Variants in VWA8 observed in about 807,000 individuals in gnomAD.
The protein encoded by VWA8 is von Willebrand factor A domain containing 8, also known as von Willebrand factor A domain-containing protein 8.
A neutral mutation model predicts 241.5 loss-of-function variants in VWA8; 221 were observed. The observed-to-expected ratio is 0.91, with a 90% confidence interval of 0.82 to 1.02. The LOEUF (loss-of-function observed/expected upper bound fraction) is 1.02, where lower values mean the gene tolerates loss of function less well. VWA8 is among the 50% of genes least tolerant of loss of function. The pLI, the probability that VWA8 is intolerant of heterozygous loss-of-function variation, is 0.00. For synonymous variants in VWA8, 852 were observed against 827.1 expected (o/e 1.03, Z -0.52); for missense variants, 2,322 against 2,328.7 (o/e 1.00, Z 0.06).
Position 41,754,956 on chromosome 13 carries a change from G to A in VWA8, c.2426+6172C>T, listed in dbSNP as rs150229823. On this transcript the variant is annotated intron_variant, in intron 21 of 44. Transcript: ENST00000379310. ...GGATCTCATTCTTTTTTTTATGGCC[G>A]AATAGTACTCTATTGTGTATATATA... Among the ~76,000 whole-genome samples, 136 of 151,886 alleles carry A rather than the reference G, an allele frequency of 9.0e-4. 1 individual carries two copies. The highest frequency in any genetic ancestry group is 3.2e-3 in the African/African-American group (132 of 41,456).
chr13:41,902,434 C>T (rs1329284446), intron 4 of VWA8, among the ~76,000 whole-genome samples: 4 of 152,116 alleles, frequency 2.6e-5, no homozygotes, highest in Non-Finnish European at 5.9e-5. Flanking sequence ...TCAGTTCTTT[C>T]GTATGCTTTT....
At chr13:41,924,630 C>G (rs1876740389) in intron 2 of VWA8, among the ~76,000 whole-genome samples, 1 of 152,008 alleles carries the variant, frequency 6.6e-6, no homozygotes, top group Non-Finnish European at 1.5e-5. Flanking sequence ...TGCTGAGGTC[C>G]AGAATTCCTA....
chr13:41,598,788 G>A (rs2044504063), intron 40 of VWA8, among the ~76,000 whole-genome samples: 1 of 150,950 alleles, frequency 6.6e-6, no homozygotes, highest in African/African-American at 2.4e-5. Context: ...TTCTTTCTCT[G>A]ACAATAGCTT....
At chr13:41,927,065 A>C (rs1876880972) in intron 2 of VWA8, 1 of 379,628 alleles carries the variant, frequency 2.6e-6, no homozygotes, top group South Asian at 2.1e-5. Flanking sequence ...GAAAGAGATA[A>C]GCGATGCCTA....
At chr13:41,817,110 C>A (rs532889359) in intron 15 of VWA8, among the ~76,000 whole-genome samples, 1 of 152,142 alleles carries the variant, frequency 6.6e-6, no homozygotes, top group Non-Finnish European at 1.5e-5. Flanking sequence ...CATGTATCAT[C>A]ATTTCCTATT....
chr13:41,806,001 T>TAAAAAAAAAAAAAAAAAA (rs60826821), intron 17 of VWA8, among the ~76,000 whole-genome samples: 1 of 118,940 alleles, frequency 8.4e-6, no homozygotes, highest in Non-Finnish European at 1.8e-5. Flanking sequence ...AATTCAAAAA[T>TAAAAAAAAAAAAAAAAAA]AAAAAAAAAA....
chr13:41,920,963 C>A (rs1018481434), intron 2 of VWA8, among the ~76,000 whole-genome samples: 1 of 152,166 alleles, frequency 6.6e-6, no homozygotes, highest in Non-Finnish European at 1.5e-5. Flanking sequence ...GATACCAAAG[C>A]CTGGCAGAGA....
intron 4 of VWA8, among the ~76,000 whole-genome samples, chr13:41,891,788 G>A (rs1315071204): frequency 2.0e-5 from 3 of 152,072 alleles, no homozygotes; most frequent in Admixed American, 6.5e-5. Context: ...CTGTTTATTC[G>A]TTTGTAAAAT....
intron 3 of VWA8, 128 bp from the exon 4 acceptor site, chr13:41,907,824 C>T (rs918149935): frequency 5.5e-5 from 38 of 693,230 alleles, no homozygotes; most frequent in Non-Finnish European, 8.8e-5. Flanking sequence ...TGGGTTGAAA[C>T]TTGTTGAATC....
chr13:41,805,722 G>A (rs1025510782), intron 17 of VWA8, among the ~76,000 whole-genome samples: 3 of 152,086 alleles, frequency 2.0e-5, no homozygotes, highest in African/African-American at 7.2e-5. Context: ...GCTGAGGCAG[G>A]AGAATCGCTT....
chr13:41,898,565 T>A (rs1875254703), intron 4 of VWA8, among the ~76,000 whole-genome samples: 1 of 152,240 alleles, frequency 6.6e-6, no homozygotes, highest in South Asian at 2.1e-4. Flanking sequence ...CTGCCAGTCC[T>A]GCGCCATGCG....
chr13:41,942,844 G>C (rs1877664711), intron 2 of VWA8, among the ~76,000 whole-genome samples: 1 of 152,230 alleles, frequency 6.6e-6, no homozygotes, highest in Non-Finnish European at 1.5e-5. Context: ...ACTGGGGCCA[G>C]ATAGCTGAGA....
At chr13:41,730,593 A>G (rs1057129525) in intron 22 of VWA8, among the ~76,000 whole-genome samples, 5 of 152,168 alleles carry the variant, frequency 3.3e-5, no homozygotes, top group Admixed American at 3.3e-4. Flanking sequence ...AAAAGGAAAA[A>G]TAAGTCTTAG....
intron 2 of VWA8, chr13:41,926,400 A>G: frequency 1.8e-6 from 1 of 544,780 alleles, no homozygotes. Context: ...TGAAACTCCC[A>G]TGGTGAACAT....
intron 17 of VWA8, among the ~76,000 whole-genome samples, chr13:41,795,085 A>C (rs1274458761): frequency 6.6e-6 from 1 of 152,114 alleles, no homozygotes; most frequent in Non-Finnish European, 1.5e-5. Context: ...AATCCACAAG[A>C]AACTTAAACA....
rs2044273748 is a variant in VWA8, at chr13:41,568,200, G to A, written c.5715C>T (p.Val1905=). 3.7e-6 allele frequency: 6 copies of A among 1,612,820 alleles called. No homozygotes were observed. In the African/African-American group the frequency reaches 5.3e-5, roughly 14 times the overall value. Residue 1905 remains valine (V), a synonymous_variant, in exon 45 of 45, where the codon GTC becomes GTT. Coordinates refer to ENST00000379310, the MANE Select transcript of VWA8 (RefSeq NM_015058.2). ...TCAGGGTGATGAAGGGCACTTCTTA[G>A]ACACTCGACAACATGGTGGAGGTGA... is the stretch of plus-strand genomic sequence containing the variant. ...QIFTSTMLSS[V]
At chr13:41,919,121 T>C (rs1490229361) in intron 2 of VWA8, among the ~76,000 whole-genome samples, 1 of 152,064 alleles carries the variant, frequency 6.6e-6, no homozygotes, top group African/African-American at 2.4e-5. Flanking sequence ...CCTGGAGAAC[T>C]GCAAAGGAGT....
chr13:41,760,146 G>T (rs1296153775), intron 21 of VWA8, among the ~76,000 whole-genome samples: 5 of 151,714 alleles, frequency 3.3e-5, no homozygotes, highest in Non-Finnish European at 7.4e-5. Context: ...TAGTTGTTCA[G>T]CTCAAAGATC....
At chr13:41,627,775 A>G (rs2044701563) in intron 37 of VWA8, among the ~76,000 whole-genome samples, 1 of 152,160 alleles carries the variant, frequency 6.6e-6, no homozygotes, top group African/African-American at 2.4e-5. Context: ...TCCACTAGAT[A>G]GAGCAGAGTG....
Sources: gnomAD v4.1 joint callset for allele counts (sites outside exome capture counted in the v4.1 genomes callset) on GRCh38, gnomAD v4.1.1 for gene constraint, MANE v1.5 for transcripts, NCBI Gene and HGNC (gene_info 2026-07-23, HGNC 2026-07-21) for gene names.